CSMD1: variants seen among roughly 807,000 people sequenced by gnomAD.
CSMD1 encodes the protein CUB and sushi domain-containing protein 1.
Under a neutral mutation model 417.5 loss-of-function variants are expected in CSMD1, and 213 were observed. That is an observed-to-expected ratio of 0.51 (90% CI 0.46 to 0.57). The LOEUF (loss-of-function observed/expected upper bound fraction) is 0.57, where lower values mean the gene tolerates loss of function less well. Among genes scored for constraint, CSMD1 ranks in the 20% least tolerant of loss-of-function variants. CSMD1 has a pLI of 0.00. For synonymous variants in CSMD1, 2,862 were observed against 1,736.8 expected, an observed-to-expected ratio of 1.65 and a Z score of -16.11; for missense variants, 6,923 against 4,529.7, an observed-to-expected ratio of 1.53 and a Z score of -15.17.
chr8:3,672,272 G>A (rs906108808), intron 7 of CSMD1, among the ~76,000 whole-genome samples: 3 of 152,106 alleles, frequency 2.0e-5, no homozygotes, highest in Non-Finnish European at 4.4e-5. Flanking sequence ...AAACCAAAGA[G>A]TCTTAACCAT....
intron 2 of CSMD1, among the ~76,000 whole-genome samples, chr8:4,437,615 G>C (rs1437867036): frequency 1.3e-5 from 2 of 152,174 alleles, no homozygotes; most frequent in African/African-American, 4.8e-5. Flanking sequence ...ATCAGCCTCT[G>C]TTCACCAAGC....
chr8:3,875,724 G>C (rs1382937121), intron 5 of CSMD1, among the ~76,000 whole-genome samples: 2 of 152,176 alleles, frequency 1.3e-5, no homozygotes, highest in Non-Finnish European at 2.9e-5. Context: ...CGAGTGGATT[G>C]AGGAAAGAAA....
rs545714014 is a variant in CSMD1 at position 4,787,959 on chromosome 8, T to G, written c.86-150401A>C. 268 of 1,595,718 alleles carry G rather than the reference T, an allele frequency of 1.7e-4. No individual in the cohort carries two copies. The African/African-American group carries it at 3.2e-3, about 19-fold the overall frequency. On this transcript the variant is annotated intron_variant, in intron 1 of 69. Transcript: ENST00000635120. ...AATTGACAATGATTCCTGGAGACTC[T>G]GGCCATCAGGAGATCGAAGCCAACA...
At chr8:4,274,752 A>T (rs1261097986) in intron 3 of CSMD1, among the ~76,000 whole-genome samples, 2 of 152,174 alleles carry the variant, frequency 1.3e-5, no homozygotes, top group African/African-American at 4.8e-5. Flanking sequence ...CCTTGTGATC[A>T]GGAGATACGG....
intron 50 of CSMD1, among the ~76,000 whole-genome samples, chr8:3,041,937 G>A (rs1220505189): frequency 6.6e-6 from 1 of 152,108 alleles, no homozygotes; most frequent in Non-Finnish European, 1.5e-5. Flanking sequence ...GGTCCTCTTG[G>A]TTTCAGAATA....
intron 1 of CSMD1, among the ~76,000 whole-genome samples, chr8:4,962,340 A>G (rs1809555264): frequency 6.6e-6 from 1 of 152,024 alleles, no homozygotes; most frequent in African/African-American, 2.4e-5. Flanking sequence ...CCTCCCAATT[A>G]GCTAGGACTA....
chr8:4,226,583 A>G lies in CSMD1; in HGVS notation c.415+193370T>C, dbSNP rs191257420. ...AAGTTGAAAAAACTAATAACTTATT[A>G]AAAGGGCTGTATTTTTCTGCATTGA... On this transcript the variant is annotated intron_variant, in intron 3 of 69. Transcript: ENST00000635120. Among the ~76,000 whole-genome samples, 1,251 of 152,336 alleles carry G rather than the reference A, an allele frequency of 8.2e-3. 11 individuals carry two copies. Among genetic ancestry groups the G allele is most frequent in the Non-Finnish European group, 0.011 (776 of 68,026 alleles).
At chr8:3,641,389 C>G (rs1262564910) in intron 7 of CSMD1, among the ~76,000 whole-genome samples, 3 of 152,104 alleles carry the variant, frequency 2.0e-5, no homozygotes, top group African/African-American at 4.8e-5. Flanking sequence ...TCAGACTGAG[C>G]AGATCTTAGA....
chr8:4,133,817 G>C (rs1803256036), intron 3 of CSMD1, among the ~76,000 whole-genome samples: 1 of 152,110 alleles, frequency 6.6e-6, no homozygotes, highest in African/African-American at 2.4e-5. Flanking sequence ...GACCATGCCT[G>C]ATCTCCTCTG....
intron 1 of CSMD1, among the ~76,000 whole-genome samples, chr8:4,988,037 A>T (rs1412127081): frequency 1.3e-5 from 2 of 151,256 alleles, no homozygotes; most frequent in African/African-American, 2.4e-5. Context: ...TACTTAATAA[A>T]CTCCCCTTTA....
At chr8:4,550,373 T>C (rs1319626225) in intron 2 of CSMD1, among the ~76,000 whole-genome samples, 1 of 151,154 alleles carries the variant, frequency 6.6e-6, no homozygotes, top group East Asian at 1.9e-4. Flanking sequence ...ACCCGGTCCC[T>C]AGATGGCATA....
At chr8:3,749,576 C>G (rs919653652) in intron 6 of CSMD1, among the ~76,000 whole-genome samples, 2 of 152,024 alleles carry the variant, frequency 1.3e-5, no homozygotes, top group African/African-American at 4.8e-5. Flanking sequence ...ATTTATTTGA[C>G]CAAGAAAAGC....
At chr8:4,976,985 A>C (rs546662948) in intron 1 of CSMD1, among the ~76,000 whole-genome samples, 1 of 152,156 alleles carries the variant, frequency 6.6e-6, no homozygotes, top group Admixed American at 6.5e-5. Flanking sequence ...CTAATAGAGC[A>C]ATTTGTCAGA....
At chr8:4,618,807 G>C (rs548553938) in intron 2 of CSMD1, among the ~76,000 whole-genome samples, 15 of 152,250 alleles carry the variant, frequency 9.9e-5, no homozygotes, top group Non-Finnish European at 1.8e-4. Context: ...TCACTGTTCA[G>C]AGAAAACATT....
intron 26 of CSMD1, among the ~76,000 whole-genome samples, chr8:3,260,386 G>A (rs145139097): frequency 6.6e-6 from 1 of 151,578 alleles, no homozygotes; most frequent in Non-Finnish European, 1.5e-5. Context: ...TTCAGTGGCC[G>A]AACAGGTTTG....
At chr8:4,907,724 AT>A (rs33995355) in intron 1 of CSMD1, among the ~76,000 whole-genome samples, 4,593 of 147,108 alleles carry the variant, frequency 0.031, 193 homozygotes, top group African/African-American at 0.097. Flanking sequence ...ATCCCCGGCA[AT>A]TTTTTTTTTT....
At chr8:4,780,974 T>A (rs980447464) in intron 1 of CSMD1, among the ~76,000 whole-genome samples, 1 of 152,220 alleles carries the variant, frequency 6.6e-6, no homozygotes, top group African/African-American at 2.4e-5. Flanking sequence ...TTTGTCACTA[T>A]CTCTCAATCA....
chr8:4,404,041 G>C (rs760857080), intron 3 of CSMD1, among the ~76,000 whole-genome samples: 2 of 152,090 alleles, frequency 1.3e-5, no homozygotes, highest in Non-Finnish European at 1.5e-5. Flanking sequence ...AATACATCCA[G>C]ACTTATCCAA....
chr8:3,308,360 A>G lies in CSMD1; in HGVS notation c.3775T>C (p.Leu1259=), dbSNP rs756596365. 4 of 1,613,570 alleles carry G rather than the reference A, an allele frequency of 2.5e-6. No individual in the cohort carries two copies. In the East Asian group the frequency reaches 6.7e-5, roughly 27 times the overall value. Residue 1259 remains leucine, a synonymous_variant, in exon 24 of 70, where the codon TTG becomes CTG. Transcript: ENST00000635120. ...AMHGSNTLTC[L]SGDRRVWDKP... ...TCCCACACTCTCCTGTCTCCACTCAAACAGGTCAGGGTGTTGCTGCCATGC... is the reference window on the plus strand; with the variant it reads ...TCCCACACTCTCCTGTCTCCACTCAGACAGGTCAGGGTGTTGCTGCCATGC...
Sources: gnomAD v4.1 joint callset for allele counts (sites outside exome capture counted in the v4.1 genomes callset) on GRCh38, gnomAD v4.1.1 for gene constraint, MANE v1.5 for transcripts, NCBI Gene and HGNC (gene_info 2026-07-23, HGNC 2026-07-21) for gene names.